Variants in CACNB2 observed in about 807,000 individuals in gnomAD.
CACNB2 encodes voltage-dependent L-type calcium channel subunit beta-2.
Under a neutral mutation model 73.3 loss-of-function variants are expected in CACNB2, and 42 were observed. That is an observed-to-expected ratio of 0.57 (90% CI 0.45 to 0.74). The LOEUF (loss-of-function observed/expected upper bound fraction) is 0.74. Among genes scored for constraint, CACNB2 ranks in the 30% least tolerant of loss-of-function variants. CACNB2 has a pLI of 0.00. For missense variants in CACNB2, 940 were observed against 853.0 expected (o/e 1.10, Z -1.27); for synonymous variants, 348 against 310.3 (o/e 1.12, Z -1.28).
intron 2 of CACNB2, among the ~76,000 whole-genome samples, chr10:18,326,292 T>C (rs891259607): frequency 6.6e-6 from 1 of 152,230 alleles, no homozygotes. Context: ...AATTAGTAGA[T>C]GTAAGGCATT....
intron 3 of CACNB2, among the ~76,000 whole-genome samples, chr10:18,473,490 A>T (rs1443625193): frequency 6.6e-6 from 1 of 152,204 alleles, no homozygotes; most frequent in Non-Finnish European, 1.5e-5. Flanking sequence ...TTAAATTCAG[A>T]ATCACCAGTG....
At chr10:18,361,353 G>A (rs1251028085) in intron 2 of CACNB2, among the ~76,000 whole-genome samples, 1 of 150,220 alleles carries the variant, frequency 6.7e-6, no homozygotes, top group Non-Finnish European at 1.5e-5. Flanking sequence ...AAAAAAAATA[G>A]CTGTGCATGA....
intron 2 of CACNB2, among the ~76,000 whole-genome samples, chr10:18,334,222 A>G (rs2040914013): frequency 6.6e-6 from 1 of 152,154 alleles, no homozygotes; most frequent in Non-Finnish European, 1.5e-5. Context: ...AGCTAAGGAC[A>G]AATGTTCCAC....
chr10:18,193,093 TG>T (rs2034476136), intron 2 of CACNB2, among the ~76,000 whole-genome samples: 1 of 152,208 alleles, frequency 6.6e-6, no homozygotes, highest in African/African-American at 2.4e-5. Context: ...TGTGATGTTT[TG>T]ATACATTTGA....
intron 3 of CACNB2, among the ~76,000 whole-genome samples, chr10:18,429,740 T>A (rs929032408): frequency 3.3e-5 from 3 of 91,024 alleles, no homozygotes; most frequent in Admixed American, 1.5e-4. Flanking sequence ...GAAGCTGGGG[T>A]GGGAGGATCA....
intron 6 of CACNB2, among the ~76,000 whole-genome samples, chr10:18,511,344 TGAAAA>T (rs2050771029): frequency 6.6e-6 from 1 of 152,128 alleles, no homozygotes; most frequent in Non-Finnish European, 1.5e-5. Flanking sequence ...CCTCACCAAA[TGAAAA>T]GGAATAATTA....
intron 2 of CACNB2, among the ~76,000 whole-genome samples, chr10:18,342,247 C>T (rs1200608580): frequency 3.9e-5 from 6 of 152,140 alleles, no homozygotes; most frequent in Non-Finnish European, 8.8e-5. Context: ...AAATACATTC[C>T]ATTGGCCATT....
At chr10:18,496,318 C>T (rs2049810919) in intron 3 of CACNB2, among the ~76,000 whole-genome samples, 1 of 151,850 alleles carries the variant, frequency 6.6e-6, no homozygotes, top group Non-Finnish European at 1.5e-5. Flanking sequence ...GTGACTAGAC[C>T]ATAGTAACAT....
chr10:18,466,141 G>C (rs572040344), intron 3 of CACNB2, among the ~76,000 whole-genome samples: 2 of 152,328 alleles, frequency 1.3e-5, no homozygotes, highest in East Asian at 3.9e-4. Context: ...ACGAAGCCAA[G>C]AATCCCTAAG....
intron 2 of CACNB2, among the ~76,000 whole-genome samples, chr10:18,343,219 A>C (rs1414789785): frequency 6.6e-6 from 1 of 152,160 alleles, no homozygotes; most frequent in African/African-American, 2.4e-5. Context: ...ACTGCAATTG[A>C]GTGCCATTAT....
At chr10:18,286,461 C>T (rs963781099) in intron 2 of CACNB2, among the ~76,000 whole-genome samples, 6 of 128,096 alleles carry the variant, frequency 4.7e-5, no homozygotes, top group Middle Eastern at 0.013. Flanking sequence ...GAGCTTGCAG[C>T]AAGCCGAGAT....
intron 3 of CACNB2, among the ~76,000 whole-genome samples, chr10:18,438,785 C>T (rs1199702295): frequency 6.6e-6 from 1 of 152,252 alleles, no homozygotes; most frequent in Non-Finnish European, 1.5e-5. Context: ...CGATCACCTT[C>T]TTCCTCTTTA....
rs186775875 is a variant in CACNB2 at position 18,415,406 on chromosome 10, C to T, written c.333+13363C>T. 2.5e-4 allele frequency among the ~76,000 whole-genome samples: 37 copies of T among 149,740 alleles called. No homozygotes were observed. The East Asian group carries it at 6.3e-3, about 25-fold the overall frequency. ...GCTTGAGCCTAGGAGTTAGAAGCCA[C>T]AATAAGCTATAACTGCACCAATATA... On this transcript the variant is annotated intron_variant, in intron 3 of 13. Transcript: ENST00000324631.
At chr10:18,411,272 G>A (rs2044611978) in intron 3 of CACNB2, among the ~76,000 whole-genome samples, 1 of 152,100 alleles carries the variant, frequency 6.6e-6, no homozygotes, top group African/African-American at 2.4e-5. Flanking sequence ...TAAATAAAAA[G>A]AGTGCAGAAG....
intron 12 of CACNB2, among the ~76,000 whole-genome samples, chr10:18,537,531 C>G (rs2053719894): frequency 6.6e-6 from 1 of 151,772 alleles, no homozygotes; most frequent in African/African-American, 2.4e-5. Context: ...AATCCCAGCA[C>G]TTTGGGAGGC....
intron 3 of CACNB2, among the ~76,000 whole-genome samples, chr10:18,408,758 G>T (rs939074410): frequency 1.3e-5 from 2 of 152,168 alleles, no homozygotes; most frequent in Admixed American, 6.5e-5. Context: ...GGCCAAAATT[G>T]TAGTATAAAA....
intron 2 of CACNB2, among the ~76,000 whole-genome samples, chr10:18,265,243 C>T (rs957683639): frequency 9.9e-5 from 15 of 151,526 alleles, no homozygotes; most frequent in Non-Finnish European, 1.6e-4. Context: ...CTCCACCTCC[C>T]GCATTCAAGC....
rs1487833225 is a variant in CACNB2 at position 18,401,879 on chromosome 10, C to T, written c.214-45C>T. The stretch of plus-strand genomic sequence containing the variant: ...GTCGATGAGACTTTTCCAATGCAAA[C>T]ATCATAGACTGAATCTACTTTAAAA... On this transcript the variant is annotated intron_variant, in intron 2 of 13. Coordinates refer to ENST00000324631, the MANE Select transcript of CACNB2 (RefSeq NM_201596.3). 2.5e-6 allele frequency: 4 copies of T among 1,606,894 alleles called. No individual in the cohort carries two copies. The African/African-American group carries it at 4.0e-5, about 16-fold the overall frequency.
At chr10:18,483,450 G>C (rs1160424899) in intron 3 of CACNB2, among the ~76,000 whole-genome samples, 2 of 149,416 alleles carry the variant, frequency 1.3e-5, no homozygotes, top group East Asian at 4.0e-4. Context: ...AGAATCGCTT[G>C]AACCCGGGAG....
Sources: allele counts gnomAD v4.1 joint callset (sites outside exome capture counted in the v4.1 genomes callset), GRCh38; gene constraint gnomAD v4.1.1; transcripts MANE v1.5; gene names NCBI Gene and HGNC (gene_info 2026-07-23, HGNC 2026-07-21).